Variants in FLT3 observed in about 807,000 individuals in gnomAD.
FLT3 encodes the protein receptor-type tyrosine-protein kinase FLT3.
FLT3 carries 46 observed loss-of-function variants against 126.6 expected under a neutral mutation model. The observed-to-expected ratio is 0.36, with a 90% CI of 0.29 to 0.46. FLT3 has a LOEUF of 0.46. Among genes scored for constraint, FLT3 ranks in the 20% least tolerant of loss-of-function variants. The probability of loss-of-function intolerance (pLI) is 1.00; values close to 1 mark genes in which losing one functional copy is unlikely to be tolerated. For synonymous variants in FLT3, 404 were observed against 434.4 expected (o/e 0.93, Z 0.87); for missense variants, 1,069 against 1,190.3 (o/e 0.90, Z 1.50).
intron 1 of FLT3, among the ~76,000 whole-genome samples, chr13:28,086,028 C>T (rs954387613): frequency 1.6e-4 from 24 of 152,216 alleles, no homozygotes; most frequent in Admixed American, 1.6e-3. Context: ...TTTCTTTAGC[C>T]AAATCTGAAA....
intron 4 of FLT3, among the ~76,000 whole-genome samples, chr13:28,053,151 T>C (rs1373487617): frequency 2.2e-5 from 3 of 137,190 alleles, no homozygotes; most frequent in African/African-American, 8.1e-5. Context: ...AGAGGTTTAG[T>C]TGAGCCTCCC....
chr13:28,084,862 C>A (rs1465913674), intron 1 of FLT3, among the ~76,000 whole-genome samples: 1 of 151,582 alleles, frequency 6.6e-6, no homozygotes, highest in African/African-American at 2.4e-5. Flanking sequence ...GTAGTCCCAG[C>A]TACTCGGGAG....
Position 28,100,562 on chromosome 13 carries a change from C to T in FLT3, c.-52G>A, listed in dbSNP as rs2137844826. 2 of 1,153,844 alleles carry T rather than the reference C, an allele frequency of 1.7e-6. No individual in the cohort carries two copies. The highest frequency in any genetic ancestry group is 2.2e-6 in the Non-Finnish European group (2 of 922,928). The allele number at this position is 1,153,844 out of a possible 1,614,324, so 71.5% of individuals were successfully genotyped here. ...CCGCGCCGGCCCAGCCCTGCGATGC[C>T]GCCTGGAGCGGCGCGCCTCGCGCTG... On this transcript the variant is annotated 5_prime_UTR_variant, in exon 1 of 24. Coordinates refer to ENST00000241453, the MANE Select transcript of FLT3 (RefSeq NM_004119.3). This position sits in a 1 kb window ranked among gnomAD's most constrained non-coding sequence, Gnocchi z 4.8.
intron 3 of FLT3, among the ~76,000 whole-genome samples, chr13:28,058,366 G>A (rs1876224899): frequency 6.6e-6 from 1 of 151,526 alleles, no homozygotes; most frequent in Non-Finnish European, 1.5e-5. Context: ...TACAAAATTA[G>A]CTGGGTGGGG....
intron 9 of FLT3, among the ~76,000 whole-genome samples, chr13:28,040,623 G>C (rs556189893): frequency 6.6e-6 from 1 of 151,688 alleles, no homozygotes; most frequent in Non-Finnish European, 1.5e-5. Context: ...CCCTGAACTC[G>C]TAAGCCAAGG....
At chr13:28,043,169 G>A (rs1163187482) in intron 9 of FLT3, among the ~76,000 whole-genome samples, 3 of 143,058 alleles carry the variant, frequency 2.1e-5, no homozygotes, top group Non-Finnish European at 3.0e-5. Context: ...AGGTTACTAA[G>A]TAATTACAAC....
intron 2 of FLT3, among the ~76,000 whole-genome samples, chr13:28,062,840 G>A (rs763224688): frequency 1.3e-5 from 2 of 151,496 alleles, no homozygotes; most frequent in African/African-American, 4.9e-5. Flanking sequence ...CAAGGAGAGA[G>A]GCCTGGAGCA....
intron 1 of FLT3, among the ~76,000 whole-genome samples, chr13:28,098,984 A>G (rs1021244344): frequency 2.0e-5 from 3 of 152,150 alleles, no homozygotes; most frequent in East Asian, 1.9e-4. Flanking sequence ...TGGAGCTAGA[A>G]TTGCTCTATA....
At chr13:28,034,262 A>T (rs2137676814) in intron 13 of FLT3, 39 bp downstream of exon 13, 3 of 1,613,582 alleles carry the variant, frequency 1.9e-6, no homozygotes, top group Non-Finnish European at 2.5e-6. Flanking sequence ...AGTTCTGCAG[A>T]TAGAGGAAAG....
chr13:28,050,285 AGAG>A, intron 5 of FLT3, 63 bp from the exon 6 acceptor site: 12 of 1,535,436 alleles, frequency 7.8e-6, no homozygotes, highest in East Asian at 6.7e-5. Flanking sequence ...TGAATGCTCA[AGAG>A]GAGAACAAAG....
At chr13:28,031,312 G>C (rs1434307620) in intron 15 of FLT3, among the ~76,000 whole-genome samples, 1 of 152,180 alleles carries the variant, frequency 6.6e-6, no homozygotes, top group Non-Finnish European at 1.5e-5. Context: ...GCCTTGGAGG[G>C]GTGGAGAAAG....
chr13:28,099,289 T>C (rs1402048601), intron 1 of FLT3, among the ~76,000 whole-genome samples: 6 of 152,230 alleles, frequency 3.9e-5, no homozygotes, highest in Non-Finnish European at 1.5e-5. Context: ...ATTAACGGAA[T>C]CTGGAAAACA....
chr13:28,089,080 T>A (rs1026938433), intron 1 of FLT3, among the ~76,000 whole-genome samples: 1 of 152,080 alleles, frequency 6.6e-6, no homozygotes, highest in South Asian at 2.1e-4. Flanking sequence ...AGGATGACAA[T>A]TAAACACATG....
At chr13:28,008,203 T>G (rs1369602967) in intron 23 of FLT3, among the ~76,000 whole-genome samples, 1 of 137,042 alleles carries the variant, frequency 7.3e-6, no homozygotes. Context: ...TTTTAAAAAG[T>G]ACTCAGGAAG....
intron 1 of FLT3, among the ~76,000 whole-genome samples, chr13:28,088,046 T>C (rs981827242): frequency 3.3e-5 from 5 of 152,246 alleles, no homozygotes; most frequent in African/African-American, 9.6e-5. Context: ...CTTGTTTGTC[T>C]AGTAAATTTA....
intron 2 of FLT3, among the ~76,000 whole-genome samples, chr13:28,069,003 C>T (rs988711824): frequency 1.3e-5 from 2 of 151,548 alleles, no homozygotes; most frequent in South Asian, 2.1e-4. Flanking sequence ...AGACGAACAG[C>T]GTAAAAGAGA....
intron 1 of FLT3, among the ~76,000 whole-genome samples, chr13:28,076,278 T>C (rs1476348397): frequency 2.6e-5 from 4 of 152,214 alleles, no homozygotes; most frequent in African/African-American, 4.8e-5. Context: ...ACACAATACA[T>C]TTGTAGTAGC....
At chr13:28,075,258 T>C (rs1411399973) in intron 1 of FLT3, among the ~76,000 whole-genome samples, 1 of 152,212 alleles carries the variant, frequency 6.6e-6, no homozygotes, top group Non-Finnish European at 1.5e-5. Flanking sequence ...CATTTTTTCA[T>C]ATATTTCATA....
intron 17 of FLT3, 111 bp downstream of exon 17, chr13:28,026,976 AC>A (rs1872865429): frequency 2.4e-6 from 2 of 842,908 alleles, no homozygotes. Flanking sequence ...AGGTTGCAGG[AC>A]CCACAGACTT....
Sources: gnomAD v4.1 joint callset for allele counts (sites outside exome capture counted in the v4.1 genomes callset) on GRCh38, gnomAD v4.1.1 for gene constraint, Gnocchi (gnomAD v3.1) non-coding constraint, MANE v1.5 for transcripts, NCBI Gene and HGNC (gene_info 2026-07-23, HGNC 2026-07-21) for gene names.